SPEF2: variants seen among roughly 807,000 people sequenced by gnomAD.
The protein encoded by SPEF2 is sperm flagellar and cilia associated 2.
A neutral mutation model predicts 224.6 loss-of-function variants in SPEF2; 187 were observed. The observed-to-expected ratio is 0.83, with a 90% confidence interval of 0.74 to 0.94. The LOEUF (loss-of-function observed/expected upper bound fraction) is 0.94. SPEF2 is among the 40% of genes least tolerant of loss of function. SPEF2 has a pLI of 0.00. For synonymous variants in SPEF2, 715 were observed against 707.3 expected, an observed-to-expected ratio of 1.01 and a Z score of -0.17; for missense variants, 2,170 against 2,135.6, an observed-to-expected ratio of 1.02 and a Z score of -0.32.
chr5:35,709,820 C>G, intron 19 of SPEF2: 1 of 985,244 alleles, frequency 1.0e-6, no homozygotes, highest in Non-Finnish European at 1.2e-6. Flanking sequence ...GTGTCAGTAT[C>G]CATTTGTGTG....
intron 4 of SPEF2, among the ~76,000 whole-genome samples, chr5:35,645,769 T>C (rs2035995): frequency 0.025 from 3,835 of 152,194 alleles, 182 homozygotes; most frequent in African/African-American, 0.088. Flanking sequence ...AAAATGATCA[T>C]AGGGAACAAA....
chr5:35,801,242 G>A (rs1443580476), intron 34 of SPEF2, among the ~76,000 whole-genome samples: 1 of 152,232 alleles, frequency 6.6e-6, no homozygotes, highest in African/African-American at 2.4e-5. Flanking sequence ...GGGGCTGGGT[G>A]TGGTGGCTCC....
intron 6 of SPEF2, among the ~76,000 whole-genome samples, chr5:35,653,830 C>A (rs1307740274): frequency 2.0e-5 from 3 of 150,684 alleles, no homozygotes; most frequent in African/African-American, 7.3e-5. Flanking sequence ...GCCTGTAGTC[C>A]CAGCTACTCG....
At chr5:35,673,852 C>T (rs936600803) in intron 10 of SPEF2, among the ~76,000 whole-genome samples, 3 of 152,118 alleles carry the variant, frequency 2.0e-5, no homozygotes, top group Non-Finnish European at 4.4e-5. Context: ...AACATGTGTA[C>T]GCCTGTCACT....
rs186300934 is a variant in SPEF2, at chr5:35,705,001, G to A, written c.2507+339G>A. ...GTGGAACTTCAAAAAGTTAGTCATCGGAGTGTAAACTACTTCTATTTTGCT... is the reference window on the plus strand; with the variant it reads ...GTGGAACTTCAAAAAGTTAGTCATCAGAGTGTAAACTACTTCTATTTTGCT... On this transcript the variant is annotated intron_variant, in intron 17 of 36. Coordinates refer to ENST00000356031, the MANE Select transcript of SPEF2 (RefSeq NM_024867.4). Among the ~76,000 whole-genome samples, 453 of 152,144 alleles carry A rather than the reference G, an allele frequency of 3.0e-3. 1 individual carries two copies. Among genetic ancestry groups the A allele is most frequent in the Middle Eastern group, 0.01 (3 of 294 alleles).
At chr5:35,618,479 G>GT (rs1232402204) in intron 1 of SPEF2, among the ~76,000 whole-genome samples, 1 of 152,170 alleles carries the variant, frequency 6.6e-6, no homozygotes, top group Non-Finnish European at 1.5e-5. Flanking sequence ...GAAGCATGGT[G>GT]TGGTGGCTAG....
intron 26 of SPEF2, among the ~76,000 whole-genome samples, chr5:35,767,669 G>C (rs567065599): frequency 6.6e-6 from 1 of 152,064 alleles, no homozygotes; most frequent in Admixed American, 6.6e-5. Flanking sequence ...GTACAGAGAA[G>C]ATAGTAGATT....
At chr5:35,637,034 C>A (rs1211509533) in intron 2 of SPEF2, among the ~76,000 whole-genome samples, 1 of 151,366 alleles carries the variant, frequency 6.6e-6, no homozygotes, top group South Asian at 2.1e-4. Context: ...GAAGACAGGA[C>A]TTTGGAGGCG....
chr5:35,646,944 G>T (rs1050559183), intron 5 of SPEF2, 137 bp downstream of exon 5: 2 of 938,688 alleles, frequency 2.1e-6, no homozygotes, highest in Non-Finnish European at 3.1e-6. Context: ...TTCTCATTCA[G>T]AATTCTTCCA....
intron 29 of SPEF2, among the ~76,000 whole-genome samples, chr5:35,776,782 G>A (rs1338094021): frequency 6.6e-6 from 1 of 152,174 alleles, no homozygotes; most frequent in East Asian, 1.9e-4. Context: ...ATTAAGGGGA[G>A]ATTAAAAAGT....
At chr5:35,758,177 G>A (rs932828798) in intron 24 of SPEF2, among the ~76,000 whole-genome samples, 5 of 152,138 alleles carry the variant, frequency 3.3e-5, no homozygotes, top group African/African-American at 1.2e-4. Flanking sequence ...ATATCTTTGA[G>A]TTTGGTGTAG....
At chr5:35,739,725 G>A (rs1241756899) in intron 21 of SPEF2, among the ~76,000 whole-genome samples, 194 bp from the exon 22 acceptor site, 1 of 152,174 alleles carries the variant, frequency 6.6e-6, no homozygotes, top group East Asian at 1.9e-4. Flanking sequence ...GCTGAGACAT[G>A]GAGGATTATT....
chr5:35,766,054 C>T (rs1752045318), intron 26 of SPEF2, among the ~76,000 whole-genome samples: 1 of 152,002 alleles, frequency 6.6e-6, no homozygotes, highest in Non-Finnish European at 1.5e-5. Context: ...GAATTTTAGT[C>T]TTTGAATGAG....
At chr5:35,787,672 T>C (rs1755353439) in intron 30 of SPEF2, among the ~76,000 whole-genome samples, 1 of 152,118 alleles carries the variant, frequency 6.6e-6, no homozygotes, top group Non-Finnish European at 1.5e-5. Flanking sequence ...TTCTGAACCA[T>C]ATAATAGGGG....
At chr5:35,669,689 T>C (rs1750966639) in intron 9 of SPEF2, among the ~76,000 whole-genome samples, 1 of 152,042 alleles carries the variant, frequency 6.6e-6, no homozygotes, top group African/African-American at 2.4e-5. Context: ...TCTAAAAATA[T>C]TGAGTACAGT....
chr5:35,684,087 T>G (rs1753222242), intron 10 of SPEF2: 1 of 152,164 alleles, frequency 6.6e-6, no homozygotes, highest in South Asian at 2.1e-4. Flanking sequence ...AATAATTTAA[T>G]CATATCTACA....
intron 8 of SPEF2, among the ~76,000 whole-genome samples, chr5:35,660,868 G>A (rs183808002): frequency 5.9e-5 from 9 of 152,230 alleles, no homozygotes; most frequent in East Asian, 1.9e-4. Flanking sequence ...TCAGAGGACC[G>A]GAACAGTTGG....
intron 23 of SPEF2, among the ~76,000 whole-genome samples, chr5:35,749,190 A>G (rs575667242): frequency 6.6e-6 from 1 of 152,302 alleles, no homozygotes; most frequent in African/African-American, 2.4e-5. Flanking sequence ...ATTGGCATAC[A>G]AGGGACATAT....
intron 36 of SPEF2, 99 bp from the exon 37 acceptor site, chr5:35,814,365 T>G: frequency 1.8e-6 from 1 of 549,134 alleles, no homozygotes; most frequent in Non-Finnish European, 2.9e-6. Context: ...TGTTTAATGG[T>G]TGCCATGTAC....
Sources: allele counts gnomAD v4.1 joint callset (sites outside exome capture counted in the v4.1 genomes callset), GRCh38; gene constraint gnomAD v4.1.1; transcripts MANE v1.5; gene names NCBI Gene and HGNC (gene_info 2026-07-23, HGNC 2026-07-21).